INO80: variants seen among roughly 807,000 people sequenced by gnomAD.
The protein encoded by INO80 is INO80 complex ATPase subunit.
A neutral mutation model predicts 203.4 loss-of-function variants in INO80; 20 were observed. The observed-to-expected ratio is 0.10, with a 90% CI of 0.07 to 0.14. INO80 has a LOEUF of 0.14. INO80 is among the 10% of genes least tolerant of loss of function. The pLI, the probability that INO80 is intolerant of heterozygous loss-of-function variation, is 1.00. For missense variants in INO80, 1,419 were observed against 1,914.4 expected, an observed-to-expected ratio of 0.74 and a Z score of 4.83; for synonymous variants, 726 against 685.2, an observed-to-expected ratio of 1.06 and a Z score of -0.93.
At chr15:41,106,873 G>C (rs551935069) in intron 1 of INO80, among the ~76,000 whole-genome samples, 1 of 152,152 alleles carries the variant, frequency 6.6e-6, no homozygotes, top group Non-Finnish European at 1.5e-5. Flanking sequence ...CACTCCAACA[G>C]TGAAAAGCCT....
At chr15:41,084,175 TG>T (rs2140635520) in intron 7 of INO80, among the ~76,000 whole-genome samples, 1 of 151,408 alleles carries the variant, frequency 6.6e-6, no homozygotes, top group South Asian at 2.1e-4. Flanking sequence ...AGACATTCCT[TG>T]GACTATAATT....
chr15:41,014,059 C>A (rs2044168543), intron 27 of INO80, among the ~76,000 whole-genome samples: 1 of 152,114 alleles, frequency 6.6e-6, no homozygotes. Context: ...CTCTGAATTA[C>A]TTATTTTAGT....
At chr15:41,032,909 G>A (rs1380920690) in intron 24 of INO80, among the ~76,000 whole-genome samples, 1 of 152,060 alleles carries the variant, frequency 6.6e-6, no homozygotes, top group Non-Finnish European at 1.5e-5. Flanking sequence ...GTGGTGGCAT[G>A]CGCCTATAGT....
intron 27 of INO80, among the ~76,000 whole-genome samples, chr15:41,012,259 T>C (rs1396717844): frequency 6.6e-6 from 1 of 152,154 alleles, no homozygotes; most frequent in Non-Finnish European, 1.5e-5. Context: ...TCCCCTAGTA[T>C]GCCCAACAGC....
intron 29 of INO80, among the ~76,000 whole-genome samples, chr15:40,992,018 C>T (rs1335710834): frequency 5.3e-5 from 8 of 152,156 alleles, no homozygotes; most frequent in South Asian, 2.1e-4. Context: ...CCTCGTGATC[C>T]GCCAGCCTGG....
rs145897856 is a variant in INO80 at position 40,984,145 on chromosome 15, C to T, written c.4077+52G>A. On this transcript the variant is annotated intron_variant, in intron 33 of 35. Coordinates refer to ENST00000648947, the MANE Select transcript of INO80 (RefSeq NM_017553.3). ...TGCCCAGCAGTGTGTCCCTGCTACA[C>T]GGTCAGGACACTCCTTACGGCTGTG... 2.2e-5 allele frequency: 34 copies of T among 1,573,776 alleles called. No homozygotes were observed. In the East Asian group the frequency reaches 3.8e-4, roughly 18 times the overall value.
chr15:41,031,710 T>C (rs2044476047), intron 24 of INO80, among the ~76,000 whole-genome samples: 1 of 151,584 alleles, frequency 6.6e-6, no homozygotes, highest in Non-Finnish European at 1.5e-5. Context: ...CAGCTTTTGC[T>C]ATTCTTCTGT....
At chr15:41,069,845 C>T (rs1314704191) in intron 13 of INO80, among the ~76,000 whole-genome samples, 180 bp from the exon 14 acceptor site, 1 of 152,102 alleles carries the variant, frequency 6.6e-6, no homozygotes, top group Non-Finnish European at 1.5e-5. Context: ...AACATAAAGA[C>T]ACACCTGAGA....
intron 9 of INO80, among the ~76,000 whole-genome samples, chr15:41,075,294 C>T (rs1170252794): frequency 2.7e-5 from 4 of 146,520 alleles, no homozygotes; most frequent in East Asian, 4.0e-4. Flanking sequence ...TTTTTTGAGA[C>T]AAGTCTAACT....
Position 40,997,593 on chromosome 15 carries a change from A to G in INO80, c.3506T>C (p.Ile1169Thr). The change falls in exon 29 of 36, where the codon ATC becomes ACC. Residue 1169 changes from isoleucine to threonine, a missense_variant. Ile to Thr is a moderately conservative substitution (Grantham distance 89). Transcript: ENST00000648947. ...TCGTGTGCTTAACAGGAACACAAAG[A>G]TGTCATTCCTGCAGAAAAGGGAGAG... The part of the protein sequence containing the change: ...MVADFQNRND[I>T]FVFLLSTRAG... 1 of 1,610,426 alleles carries G rather than the reference A, an allele frequency of 6.2e-7. No individual in the cohort carries two copies. The highest frequency in any genetic ancestry group is 8.5e-7 in the Non-Finnish European group (1 of 1,176,708).
chr15:41,092,407 G>T (rs540304967), intron 4 of INO80, among the ~76,000 whole-genome samples: 1 of 152,092 alleles, frequency 6.6e-6, no homozygotes, highest in Non-Finnish European at 1.5e-5. Flanking sequence ...CATGTTATCA[G>T]CAACAAGGCT....
chr15:41,048,233 G>C lies in INO80; in HGVS notation c.2620C>G (p.Arg874Gly). 1 of 1,613,068 alleles carries C rather than the reference G, an allele frequency of 6.2e-7. No homozygotes were observed. Among genetic ancestry groups the C allele is most frequent in the Non-Finnish European group, 8.5e-7 (1 of 1,179,260 alleles). Residue 874 changes from arginine to glycine, a missense_variant, in exon 22 of 36, where the codon CGG (arginine) becomes GGG (glycine). By Grantham distance (125) the Arg-to-Gly change is moderately radical. Transcript: ENST00000648947. ...CTACCTTTTCTGTGAAAGAGAGACC[G>C]TTGGATATAGTCTGGTGCAAATGGA... Reference protein sequence around the residue: ...LSPFAPDYIQRSLFHRKGINE... With the variant: ...LSPFAPDYIQGSLFHRKGINE...
intron 27 of INO80, among the ~76,000 whole-genome samples, chr15:41,010,228 G>C (rs1367015947): frequency 6.6e-6 from 1 of 152,150 alleles, no homozygotes; most frequent in Non-Finnish European, 1.5e-5. Context: ...CTAACTGCCA[G>C]TCACTGTTCT....
At chr15:41,111,806 GA>G (rs879587317) in intron 1 of INO80, among the ~76,000 whole-genome samples, 26 of 123,888 alleles carry the variant, frequency 2.1e-4, no homozygotes, top group Admixed American at 3.3e-4. Context: ...TCTGTCTCAA[GA>G]AAAAAAAAAA....
At chr15:40,992,471 A>G (rs904066209) in intron 29 of INO80, among the ~76,000 whole-genome samples, 8 of 152,206 alleles carry the variant, frequency 5.3e-5, no homozygotes, top group Admixed American at 1.3e-4. Flanking sequence ...ACATTTTTAC[A>G]TATGCATTCT....
intron 28 of INO80, among the ~76,000 whole-genome samples, chr15:40,999,910 G>A (rs1596246551): frequency 6.6e-6 from 1 of 152,084 alleles, no homozygotes; most frequent in Non-Finnish European, 1.5e-5. Context: ...GGGCAATACA[G>A]AAAGACCCTG....
chr15:41,071,209 A>G (rs2045307504), intron 12 of INO80, among the ~76,000 whole-genome samples: 2 of 152,202 alleles, frequency 1.3e-5, no homozygotes, highest in African/African-American at 4.8e-5. Flanking sequence ...GCCTCTTGTC[A>G]AAGGATATAG....
chr15:41,040,882 T>A (rs1397188869), intron 24 of INO80, among the ~76,000 whole-genome samples: 1 of 151,340 alleles, frequency 6.6e-6, no homozygotes, highest in African/African-American at 2.4e-5. Flanking sequence ...ATAAGAAAAA[T>A]ACAGTCAGCC....
chr15:41,008,646 CAA>C (rs2140444737), intron 27 of INO80, among the ~76,000 whole-genome samples: 2 of 152,210 alleles, frequency 1.3e-5, no homozygotes, highest in East Asian at 3.9e-4. Context: ...GAAAAAGCTT[CAA>C]AGATTATTCT....
Sources: allele counts gnomAD v4.1 joint callset (sites outside exome capture counted in the v4.1 genomes callset), GRCh38; gene constraint gnomAD v4.1.1; transcripts MANE v1.5; gene names NCBI Gene and HGNC (gene_info 2026-07-23, HGNC 2026-07-21).